Variants in DNAH8 observed in about 807,000 individuals in gnomAD.
The protein encoded by DNAH8 is axonemal beta dynein heavy chain 8.
In DNAH8, 382 loss-of-function variants were observed where a neutral mutation model predicts 562.1. The ratio of observed to expected loss-of-function variants is 0.68; its 90% confidence interval spans 0.63 to 0.74. The LOEUF (loss-of-function observed/expected upper bound fraction) is 0.74. Ranked by LOEUF, DNAH8 falls within the 30% of genes least tolerant of loss-of-function variation. The pLI is 0.00. For synonymous variants in DNAH8, 1,881 were observed against 1,919.4 expected, an observed-to-expected ratio of 0.98 and a Z score of 0.52; for missense variants, 5,203 against 5,620.4, an observed-to-expected ratio of 0.93 and a Z score of 2.37.
intron 28 of DNAH8, among the ~76,000 whole-genome samples, chr6:38,825,748 A>C (rs1318036658): frequency 1.3e-5 from 2 of 152,186 alleles, no homozygotes; most frequent in African/African-American, 4.8e-5. Context: ...TAGAAAAGCA[A>C]GAAACCTGTG....
intron 82 of DNAH8, among the ~76,000 whole-genome samples, chr6:38,961,734 A>T (rs2150666452): frequency 6.6e-6 from 1 of 152,172 alleles, no homozygotes; most frequent in East Asian, 1.9e-4. Flanking sequence ...AAACATCGTG[A>T]TACTTATTGG....
At chr6:38,993,945 G>C (rs949620132) in intron 88 of DNAH8, among the ~76,000 whole-genome samples, 3 of 152,120 alleles carry the variant, frequency 2.0e-5, no homozygotes, top group African/African-American at 7.2e-5. Flanking sequence ...AAATTGTTAT[G>C]GGTGGGATTG....
chr6:38,923,028 T>A (rs760441801), intron 71 of DNAH8, 30 bp from the exon 72 acceptor site: 28 of 1,596,536 alleles, frequency 1.8e-5, no homozygotes, highest in Non-Finnish European at 1.6e-5. Context: ...TAGAAAAGTT[T>A]TTTGAGACAT....
intron 33 of DNAH8, among the ~76,000 whole-genome samples, chr6:38,840,760 GTAT>G (rs1425196620): frequency 1.2e-4 from 19 of 152,072 alleles, no homozygotes; most frequent in African/African-American, 4.6e-4. Flanking sequence ...ATTCTTAACT[GTAT>G]TAAATGAAAG....
In DNAH8 at chr6:38,908,137, A is replaced by C. The variant is rs372391866; in HGVS notation, c.9513+17A>C. The C allele has an allele frequency of 1.1e-5, 16 of 1,479,786 alleles. No homozygotes were observed. The African/African-American group carries it at 2.3e-4, about 21-fold the overall frequency. 91.7% of individuals were successfully genotyped at this position (1,479,786 alleles called of 1,614,324 possible). A position where few individuals can be genotyped will look rare whatever the true frequency, so the allele number is the denominator to read the frequency against. On this transcript the variant is annotated intron_variant, in intron 64 of 92. Transcript: ENST00000327475. Reference sequence around the variant, plus strand: ...TTTTCTCCAGTAAGTTTTTATTTTTATTTATATCTACGTAGAAAGAGTTCC... The same window carrying C: ...TTTTCTCCAGTAAGTTTTTATTTTTCTTTATATCTACGTAGAAAGAGTTCC...
At chr6:38,996,596 G>A (rs1434920986) in intron 88 of DNAH8, among the ~76,000 whole-genome samples, 4 of 152,140 alleles carry the variant, frequency 2.6e-5, no homozygotes, top group Admixed American at 6.5e-5. Context: ...TCGACACCTC[G>A]GGTACCCTGT....
intron 33 of DNAH8, 94 bp from the exon 34 acceptor site, chr6:38,842,274 A>G (rs1774867102): frequency 9.0e-6 from 9 of 999,584 alleles, no homozygotes; most frequent in South Asian, 1.7e-5. Context: ...CACGCAATGT[A>G]TGAAATATTT....
intron 53 of DNAH8, among the ~76,000 whole-genome samples, chr6:38,882,506 A>G (rs893323649): frequency 1.3e-5 from 2 of 152,198 alleles, no homozygotes; most frequent in African/African-American, 4.8e-5. Flanking sequence ...TGGGAGCTAA[A>G]TATTGAGTAC....
intron 11 of DNAH8, among the ~76,000 whole-genome samples, chr6:38,762,270 T>C (rs970649111): frequency 9.9e-5 from 15 of 152,230 alleles, no homozygotes; most frequent in Non-Finnish European, 2.9e-5. Context: ...CCAAGAGATA[T>C]TTTTTAAAGT....
Position 38,783,010 on chromosome 6 carries a change from T to C in DNAH8, c.2266T>C (p.Ser756Pro). ...SEPINYFFKN[S>P]DILSSPDGKA... ...TTTTCCCTTAAAAAAACAGAAAAAC[T>C]CAGACATTTTATCAAGTCCGGACGG... The change falls in exon 17 of 93, where the codon TCA becomes CCA. Residue 756 changes from serine to proline, a missense_variant. Ser to Pro is a moderately conservative substitution (Grantham distance 74). Transcript: ENST00000327475. 1 of 1,610,640 alleles carries C rather than the reference T, an allele frequency of 6.2e-7. No individual in the cohort carries two copies. The highest frequency in any genetic ancestry group is 1.7e-4 in the Middle Eastern group (1 of 6,040).
intron 22 of DNAH8, among the ~76,000 whole-genome samples, chr6:38,804,359 T>C (rs553038565): frequency 6.6e-6 from 1 of 152,318 alleles, no homozygotes; most frequent in Non-Finnish European, 1.5e-5. Flanking sequence ...GAAAGACATA[T>C]TTCATTTTAA....
chr6:38,884,053 A>G (rs1042751876), intron 56 of DNAH8, 55 bp downstream of exon 56: 1 of 1,096,400 alleles, frequency 9.1e-7, no homozygotes, highest in South Asian at 3.3e-5. Flanking sequence ...TTATGTATAT[A>G]TATTATATAT....
intron 62 of DNAH8, among the ~76,000 whole-genome samples, chr6:38,902,104 T>C (rs757999173): frequency 2.0e-5 from 3 of 152,228 alleles, no homozygotes; most frequent in Non-Finnish European, 4.4e-5. Context: ...GGTGTTGCAC[T>C]GATTGTAGTT....
At chr6:39,023,169 T>C (rs1029197292) in intron 91 of DNAH8, among the ~76,000 whole-genome samples, 1 of 152,170 alleles carries the variant, frequency 6.6e-6, no homozygotes, top group Admixed American at 6.5e-5. Flanking sequence ...CCACTGATGA[T>C]TGAAATTTGG....
rs544017857 is a variant in DNAH8 at position 38,869,578 on chromosome 6, G to A, written c.6829-823G>A. ...ATTAAAGACATTGCAAGCAAGGATTGGAGTCAGTGTACTCAAACCTACTGC... is the reference window on the plus strand; with the variant it reads ...ATTAAAGACATTGCAAGCAAGGATTAGAGTCAGTGTACTCAAACCTACTGC... On this transcript the variant is annotated intron_variant, in intron 48 of 92. Coordinates refer to ENST00000327475, the MANE Select transcript of DNAH8 (RefSeq NM_001206927.2). Among the ~76,000 whole-genome samples, 3 of 152,318 alleles carry A rather than the reference G, an allele frequency of 2.0e-5. No homozygotes were observed. The South Asian group carries it at 6.2e-4, about 32-fold the overall frequency.
intron 65 of DNAH8, among the ~76,000 whole-genome samples, chr6:38,910,738 A>G (rs1197431821): frequency 2.0e-5 from 3 of 152,212 alleles, no homozygotes; most frequent in African/African-American, 7.2e-5. Flanking sequence ...TATTTTTACA[A>G]CACTTTAATG....
chr6:38,745,207 T>C (rs1764829803), intron 8 of DNAH8, among the ~76,000 whole-genome samples: 1 of 152,198 alleles, frequency 6.6e-6, no homozygotes, highest in South Asian at 2.1e-4. Flanking sequence ...CATCAGTGTG[T>C]GGATATTTAG....
At chr6:38,822,796 G>A in intron 26 of DNAH8, 42 bp from the exon 27 acceptor site, 1 of 1,329,224 alleles carries the variant, frequency 7.5e-7, no homozygotes, top group Non-Finnish European at 1.0e-6. Flanking sequence ...ATTTAAAGTT[G>A]AATATAGAAG....
chr6:38,723,042 A>C lies in DNAH8; in HGVS notation c.233A>C (p.Glu78Ala). ...EEGIVLPDDHEADLNRVRQRL... is the reference protein window; with the variant it reads ...EEGIVLPDDHAADLNRVRQRL... ...GGGATAGTTCTTCCAGATGATCATG[A>C]AGCGGATCTGAATAGAGTTCGACAG... The change falls in exon 2 of 93, where the codon GAA becomes GCA. Residue 78 changes from glutamate (E) to alanine (A), a missense_variant. Around this residue, in one of 6 missense-constraint regions of DNAH8, gnomAD observed 556 missense variants for 496.9 expected, o/e 1.12. Coordinates refer to ENST00000327475, the MANE Select transcript of DNAH8 (RefSeq NM_001206927.2). The C allele has an allele frequency of 6.2e-7, 1 of 1,612,944 alleles. No individual in the cohort carries two copies. The highest frequency in any genetic ancestry group is 8.5e-7 in the Non-Finnish European group (1 of 1,179,906).
Sources: gnomAD v4.1 joint callset for allele counts (sites outside exome capture counted in the v4.1 genomes callset) on GRCh38, gnomAD v4.1.1 for gene constraint, gnomAD v4.1.1 regional missense constraint, MANE v1.5 for transcripts, NCBI Gene and HGNC (gene_info 2026-07-23, HGNC 2026-07-21) for gene names.